PRKAR1A: variants seen among roughly 807,000 people sequenced by gnomAD.
The protein encoded by PRKAR1A is protein kinase cAMP-dependent type I regulatory subunit alpha, also known as cAMP-dependent protein kinase type I-alpha regulatory subunit.
A neutral mutation model predicts 52.0 loss-of-function variants in PRKAR1A; 3 were observed. The observed-to-expected ratio is 0.06, with a 90% CI of 0.03 to 0.15. PRKAR1A has a LOEUF of 0.15. PRKAR1A is among the 10% of genes least tolerant of loss of function. The probability of loss-of-function intolerance (pLI) is 1.00; values close to 1 mark genes in which losing one functional copy is unlikely to be tolerated. For synonymous variants in PRKAR1A, 188 were observed against 168.4 expected (o/e 1.12, Z -0.90); for missense variants, 240 against 477.4 (o/e 0.50, Z 4.63).
the PRKAR1A span, among the ~76,000 whole-genome samples, chr17:68,503,166 A>G: frequency 6.6e-6 from 1 of 152,236 alleles, no homozygotes; most frequent in South Asian, 2.1e-4. Flanking sequence ...ACAAGGAGGA[A>G]CCACTACACA....
chr17:68,486,311 C>G, the PRKAR1A span, among the ~76,000 whole-genome samples: 1 of 152,034 alleles, frequency 6.6e-6, no homozygotes, highest in African/African-American at 2.4e-5. Flanking sequence ...CATCAGGAGG[C>G]ACAAGCTCCT....
chr17:68,542,118 C>G (rs1194350750), intron 11 of PRKAR1A: 3 of 1,613,966 alleles, frequency 1.9e-6, no homozygotes, highest in African/African-American at 2.7e-5. Flanking sequence ...ACAGCATACT[C>G]CGTCTTGCAC....
intron 2 of PRKAR1A, among the ~76,000 whole-genome samples, 176 bp from the exon 3 acceptor site, chr17:68,522,580 A>T (rs766968731): frequency 6.6e-6 from 1 of 152,130 alleles, no homozygotes; most frequent in Non-Finnish European, 1.5e-5. Context: ...TTCTGTTGAG[A>T]GTGTTTCAAG....
the PRKAR1A span, chr17:68,420,976 C>G: frequency 1.3e-5 from 2 of 156,240 alleles, no homozygotes; most frequent in Non-Finnish European, 2.8e-5. Context: ...ACTCACTGGT[C>G]TCCATCTTTA....
chr17:68,428,501 G>T, the PRKAR1A span: 1 of 215,794 alleles, frequency 4.6e-6, no homozygotes, highest in Non-Finnish European at 9.4e-6. Flanking sequence ...CCAAAGTGCC[G>T]GGATTACAGG....
the PRKAR1A span, among the ~76,000 whole-genome samples, chr17:68,478,071 C>T: frequency 1.3e-5 from 2 of 152,220 alleles, no homozygotes; most frequent in African/African-American, 4.8e-5. Context: ...TGAGACACAA[C>T]TTTATGAGTC....
chr17:68,424,925 G>C, the PRKAR1A span, among the ~76,000 whole-genome samples: 1 of 152,212 alleles, frequency 6.6e-6, no homozygotes, highest in Non-Finnish European at 1.5e-5. Flanking sequence ...ATGATTTCAG[G>C]TTGACTATCT....
At chr17:68,528,040 A>C in intron 8 of PRKAR1A, 140 bp downstream of exon 8, 2 of 729,590 alleles carry the variant, frequency 2.7e-6, no homozygotes, top group Non-Finnish European at 2.4e-6. Flanking sequence ...AGTCCTTCTG[A>C]CTGTGGACAT....
the PRKAR1A span, chr17:68,433,486 A>G: frequency 1.2e-6 from 2 of 1,613,756 alleles, no homozygotes; most frequent in Admixed American, 1.7e-5. Flanking sequence ...GACCTGTTCC[A>G]GCTTGAAGAT....
intron 11 of PRKAR1A, chr17:68,542,251 G>A (rs974479571): frequency 1.9e-5 from 28 of 1,438,700 alleles, no homozygotes; most frequent in Non-Finnish European, 2.6e-5. Context: ...CACTGGGAGG[G>A]AAGGGAAACC....
At chr17:68,539,381 G>A in intron 11 of PRKAR1A, 1 of 1,614,160 alleles carries the variant, frequency 6.2e-7, no homozygotes, top group Non-Finnish European at 8.5e-7. Flanking sequence ...TTTCATCATG[G>A]GAGTGTCGTC....
At chr17:68,534,053 G>A (rs1343904277), downstream of PRKAR1A, among the ~76,000 whole-genome samples, 1 of 152,156 alleles carries the variant, frequency 6.6e-6, no homozygotes, top group Non-Finnish European at 1.5e-5. Context: ...ATAGCTATCA[G>A]TAAACGCTGT....
the PRKAR1A span, among the ~76,000 whole-genome samples, chr17:68,462,293 C>G: frequency 1.4e-4 from 22 of 151,750 alleles, no homozygotes; most frequent in South Asian, 2.5e-3. Context: ...AAGACAGTTG[C>G]TTTCTACAAG....
the PRKAR1A span, among the ~76,000 whole-genome samples, chr17:68,448,995 A>C: frequency 6.6e-6 from 1 of 152,200 alleles, no homozygotes; most frequent in African/African-American, 2.4e-5. Context: ...GGTGGACTTA[A>C]GTGGATTTTC....
At chr17:68,487,136 T>C in the PRKAR1A span, among the ~76,000 whole-genome samples, 1 of 152,156 alleles carries the variant, frequency 6.6e-6, no homozygotes, top group African/African-American at 2.4e-5. Context: ...CCTCCCAAAG[T>C]GCAGGGATTA....
At chr17:68,446,334 C>T in the PRKAR1A span, among the ~76,000 whole-genome samples, 1 of 152,012 alleles carries the variant, frequency 6.6e-6, no homozygotes, top group Non-Finnish European at 1.5e-5. Flanking sequence ...GTGTGCGCCA[C>T]CATGCCTGGC....
chr17:68,522,980 C>T, intron 3 of PRKAR1A, 54 bp downstream of exon 3: 2 of 1,594,500 alleles, frequency 1.3e-6, no homozygotes, highest in Non-Finnish European at 8.6e-7. Flanking sequence ...ACTTGGTGGT[C>T]ATCTAGTCTC....
the PRKAR1A span, chr17:68,434,481 T>C: frequency 6.6e-7 from 1 of 1,513,782 alleles, no homozygotes; most frequent in South Asian, 1.2e-5. Flanking sequence ...CTCTGTCCTC[T>C]CCCTAGACAG....
At chr17:68,527,459 T>A in intron 7 of PRKAR1A, 1 of 212,054 alleles carries the variant, frequency 4.7e-6, no homozygotes, top group Non-Finnish European at 9.7e-6. Context: ...ACAAAATCAG[T>A]TTGAGAGTAA....
Sources: gnomAD v4.1 joint callset for allele counts (sites outside exome capture counted in the v4.1 genomes callset) on GRCh38, gnomAD v4.1.1 for gene constraint, MANE v1.5 for transcripts, NCBI Gene and HGNC (gene_info 2026-07-23, HGNC 2026-07-21) for gene names.